The following CTNNA3 variants were observed in gnomAD, a reference collection of about 807,000 sequenced individuals.
CTNNA3 encodes the protein catenin alpha-3.
In CTNNA3, 76 loss-of-function variants were observed where a neutral mutation model predicts 95.7. That is an observed-to-expected ratio of 0.79 (90% CI 0.66 to 0.96). The LOEUF (loss-of-function observed/expected upper bound fraction) is 0.96. Ranked by LOEUF, CTNNA3 falls within the 40% of genes least tolerant of loss-of-function variation. The probability of loss-of-function intolerance (pLI) is 0.00; values close to 1 mark genes in which losing one functional copy is unlikely to be tolerated. For missense variants in CTNNA3, 1,191 were observed against 1,089.8 expected (o/e 1.09, Z -1.31); for synonymous variants, 431 against 374.4 (o/e 1.15, Z -1.74).
At chr10:65,980,039 T>C (rs1386648371) in intron 16 of CTNNA3, among the ~76,000 whole-genome samples, 2 of 152,010 alleles carry the variant, frequency 1.3e-5, no homozygotes, top group African/African-American at 4.8e-5. Context: ...AATATAAAGC[T>C]GGTTCTTTGA....
At chr10:66,906,283 T>C (rs1182443350) in intron 7 of CTNNA3, among the ~76,000 whole-genome samples, 1 of 152,144 alleles carries the variant, frequency 6.6e-6, no homozygotes, top group Non-Finnish European at 1.5e-5. Context: ...TTGAATGAAG[T>C]ATTCTTGCCA....
At chr10:67,695,331 C>G (rs1176475729) in intron 1 of CTNNA3, among the ~76,000 whole-genome samples, 4 of 152,126 alleles carry the variant, frequency 2.6e-5, no homozygotes, top group Admixed American at 1.3e-4. Flanking sequence ...TTTTATTTGT[C>G]TTCCGTGTAA....
At chr10:66,989,875 A>G (rs567503969) in intron 7 of CTNNA3, among the ~76,000 whole-genome samples, 2 of 152,094 alleles carry the variant, frequency 1.3e-5, no homozygotes, top group Non-Finnish European at 2.9e-5. Flanking sequence ...CTCTATGATT[A>G]TTTAGCGGCA....
intron 1 of CTNNA3, among the ~76,000 whole-genome samples, chr10:67,733,706 T>C (rs917577810): frequency 5.3e-5 from 8 of 152,200 alleles, no homozygotes; most frequent in Admixed American, 2.0e-4. Context: ...TGTCACTCCT[T>C]CCTACCATAT....
rs562833691 is a variant in CTNNA3, at chr10:67,366,207, G to A, written c.580-146337C>T. Reference sequence around the variant, plus strand: ...AACATCACACACACCAGGGCCTGTCGGGGGTTGGGGGGCTGAGGGAAGGAC... The same window carrying A: ...AACATCACACACACCAGGGCCTGTCAGGGGTTGGGGGGCTGAGGGAAGGAC... On this transcript the variant is annotated intron_variant, in intron 5 of 17. Transcript: ENST00000433211. Among the ~76,000 whole-genome samples, 235 of 152,224 alleles carry A rather than the reference G, an allele frequency of 1.5e-3. 1 individual carries two copies. The highest frequency in any genetic ancestry group is 5.0e-3 in the African/African-American group (207 of 41,554).
rs1448696689 is a variant in CTNNA3 at position 67,279,678 on chromosome 10, C to T, written c.580-59808G>A. Among the ~76,000 whole-genome samples the T allele has an allele frequency of 2.0e-5, 3 of 150,466 alleles. No homozygotes were observed. The East Asian group carries it at 5.8e-4, about 29-fold the overall frequency. On this transcript the variant is annotated intron_variant, in intron 5 of 17. Coordinates refer to ENST00000433211, the MANE Select transcript of CTNNA3 (RefSeq NM_013266.4). ...TAGGAACAAAAGGAAAGGCGGCTGA[C>T]TCAGCCTTCAGCTTAACTTTTTCCT...
intron 5 of CTNNA3, among the ~76,000 whole-genome samples, chr10:67,231,649 C>A (rs1166587934): frequency 1.3e-5 from 2 of 148,538 alleles, no homozygotes; most frequent in East Asian, 2.9e-4. Context: ...CAGTTCCTCA[C>A]CAGCAACAGA....
chr10:66,885,397 G>T (rs1367945954), intron 7 of CTNNA3, among the ~76,000 whole-genome samples: 1 of 151,912 alleles, frequency 6.6e-6, no homozygotes, highest in East Asian at 1.9e-4. Flanking sequence ...CATCAAAATG[G>T]TATTTATATC....
intron 7 of CTNNA3, among the ~76,000 whole-genome samples, chr10:67,169,279 A>C (rs1861913551): frequency 6.6e-6 from 1 of 152,196 alleles, no homozygotes; most frequent in Admixed American, 6.5e-5. Context: ...AGAACTAGAG[A>C]AAATGATTTT....
intron 1 of CTNNA3, among the ~76,000 whole-genome samples, chr10:67,725,784 C>T (rs1244982525): frequency 1.3e-5 from 2 of 151,156 alleles, no homozygotes; most frequent in Non-Finnish European, 2.9e-5. Context: ...TAAGAAGATT[C>T]CACCCTGCCC....
intron 7 of CTNNA3, among the ~76,000 whole-genome samples, chr10:67,017,834 A>G (rs964230668): frequency 1.3e-4 from 19 of 151,934 alleles, no homozygotes; most frequent in Admixed American, 4.6e-4. Flanking sequence ...TAGTGGCCCA[A>G]TCTCGGCTCA....
intron 13 of CTNNA3, among the ~76,000 whole-genome samples, chr10:66,135,899 C>A (rs552122411): frequency 1.2e-3 from 171 of 148,624 alleles, no homozygotes; most frequent in Non-Finnish European, 1.5e-3. Flanking sequence ...CGATATGTAA[C>A]ACAATTTTTT....
chr10:66,123,236 G>A (rs1451929997), intron 13 of CTNNA3, among the ~76,000 whole-genome samples: 1 of 152,174 alleles, frequency 6.6e-6, no homozygotes, highest in Non-Finnish European at 1.5e-5. Flanking sequence ...CCAAATGGGA[G>A]AAATTGGCCA....
chr10:66,380,049 A>C (rs1484494151), intron 11 of CTNNA3, among the ~76,000 whole-genome samples: 1 of 152,246 alleles, frequency 6.6e-6, no homozygotes, highest in African/African-American at 2.4e-5. Flanking sequence ...GCTTTATCAC[A>C]TGAATCCCCA....
At position 67,080,930 on chromosome 10, in the gene CTNNA3, A is replaced by C. The variant is rs200263953; in HGVS notation, c.1047+99387T>G. 6.9e-3 allele frequency among the ~76,000 whole-genome samples: 243 copies of C among 35,348 alleles called. 2 individuals are homozygous for C. Among genetic ancestry groups the C allele is most frequent in the East Asian group, 0.033 (42 of 1,266 alleles). The allele number at this position is 35,348 out of a possible 152,430, so 23.2% of individuals were successfully genotyped here. On this transcript the variant is annotated intron_variant, in intron 7 of 17. Transcript: ENST00000433211. ...TCTGAAAAAAAACAAAAAAACAAAAAAACAACAAAAAAAAAAAAACAAAGA... is the reference window on the plus strand; with the variant it reads ...TCTGAAAAAAAACAAAAAAACAAAACAACAACAAAAAAAAAAAAACAAAGA...
At chr10:67,304,830 G>A (rs963940668) in intron 5 of CTNNA3, among the ~76,000 whole-genome samples, 1 of 152,004 alleles carries the variant, frequency 6.6e-6, no homozygotes, top group Non-Finnish European at 1.5e-5. Flanking sequence ...ATGTACTCTA[G>A]ACTCTGTGAT....
At chr10:66,962,269 A>G (rs1157873327) in intron 7 of CTNNA3, among the ~76,000 whole-genome samples, 4 of 152,008 alleles carry the variant, frequency 2.6e-5, no homozygotes. Context: ...CTTATCACCC[A>G]CTAGCCTCTC....
chr10:66,769,291 T>C (rs900815449), intron 8 of CTNNA3, among the ~76,000 whole-genome samples: 1 of 152,204 alleles, frequency 6.6e-6, no homozygotes, highest in African/African-American at 2.4e-5. Flanking sequence ...TGGATGTGAA[T>C]GAAACCTTTA....
chr10:67,550,676 G>GTAGAATAAAGAAATTTCTTTATCA (rs1564732346), intron 3 of CTNNA3, among the ~76,000 whole-genome samples: 17 of 136,730 alleles, frequency 1.2e-4, no homozygotes, highest in Non-Finnish European at 2.3e-4. Flanking sequence ...TTTCTTTACC[G>GTAGAATAAAGAAATTTCTTTATCA]TAGAATAAAG....
Sources: allele counts gnomAD v4.1 joint callset (sites outside exome capture counted in the v4.1 genomes callset), GRCh38; gene constraint gnomAD v4.1.1; transcripts MANE v1.5; gene names NCBI Gene and HGNC (gene_info 2026-07-23, HGNC 2026-07-21).